The following CACNA1D variants were observed in gnomAD, a reference collection of about 807,000 sequenced individuals.
The protein encoded by CACNA1D is calcium voltage-gated channel subunit alpha1 D.
A neutral mutation model predicts 257.1 loss-of-function variants in CACNA1D; 55 were observed. The ratio of observed to expected loss-of-function variants is 0.21; its 90% confidence interval spans 0.17 to 0.27. CACNA1D has a LOEUF of 0.27. CACNA1D is among the 10% of genes least tolerant of loss of function. The pLI is 1.00. For missense variants in CACNA1D, 1,876 were observed against 2,784.0 expected (o/e 0.67, Z 7.34); for synonymous variants, 980 against 1,014.9 (o/e 0.97, Z 0.65).
intron 3 of CACNA1D, among the ~76,000 whole-genome samples, chr3:53,627,219 G>T (rs1007733893): frequency 6.6e-6 from 1 of 152,158 alleles, no homozygotes; most frequent in Admixed American, 6.5e-5. Flanking sequence ...GATCCCTGCT[G>T]CACAGCCTCT....
chr3:53,620,699 G>T (rs1221161819), intron 3 of CACNA1D, among the ~76,000 whole-genome samples: 1 of 152,222 alleles, frequency 6.6e-6, no homozygotes, highest in Non-Finnish European at 1.5e-5. Context: ...TAAAGCATTT[G>T]CAATCATAGA....
intron 9 of CACNA1D, among the ~76,000 whole-genome samples, chr3:53,709,357 G>C (rs1231201451): frequency 1.3e-5 from 2 of 152,164 alleles, no homozygotes; most frequent in African/African-American, 4.8e-5. Context: ...TGTGACTTAC[G>C]TGGCAAAGCT....
At position 53,801,335 on chromosome 3, in the gene CACNA1D, G is replaced by A; in HGVS notation, c.5318G>A (p.Ser1773Asn). ...AAAGCTGCCCATGGAAAGCGGCCCA[G>A]CATTGGGAACCTTGAGCATGTGTCT... ...MSKAAHGKRPSIGNLEHVSEN... is the reference protein window; with the variant it reads ...MSKAAHGKRPNIGNLEHVSEN... Residue 1773 changes from serine (S) to asparagine (N), a missense_variant, in exon 42 of 48, where the codon AGC becomes AAC. Coordinates refer to ENST00000350061, the MANE Select transcript of CACNA1D (RefSeq NM_001128840.3). The A allele has an allele frequency of 6.2e-7, 1 of 1,614,178 alleles. No homozygotes were observed. The highest frequency in any genetic ancestry group is 8.5e-7 in the Non-Finnish European group (1 of 1,180,032).
chr3:53,588,854 G>T (rs2093260561), intron 3 of CACNA1D, among the ~76,000 whole-genome samples: 1 of 151,974 alleles, frequency 6.6e-6, no homozygotes, highest in African/African-American at 2.4e-5. Flanking sequence ...GATCTCCTTT[G>T]TGGAAAAAAA....
In CACNA1D at chr3:53,810,262, C is replaced by T. The variant is rs376791895; in HGVS notation, c.6156C>T (p.Ser2052=). 1.4e-5 allele frequency: 22 copies of T among 1,613,820 alleles called. No homozygotes were observed. The highest frequency in any genetic ancestry group is 1.6e-4 in the Middle Eastern group (1 of 6,062). The stretch of plus-strand genomic sequence containing the variant: ...CCAGCAGCTTCCGGAACAAAAACAG[C>T]GACAAGCAGAGGAGTGCGGACAGCT... ...TVPSSFRNKN[S]DKQRSADSLV... is the part of the protein sequence containing the mutation. The change falls in exon 47 of 48, where the codon AGC becomes AGT. Residue 2052 remains serine, a synonymous_variant. Coordinates refer to ENST00000350061, the MANE Select transcript of CACNA1D (RefSeq NM_001128840.3).
chr3:53,732,350 TG>T (rs1251101783), intron 18 of CACNA1D, among the ~76,000 whole-genome samples: 2 of 152,164 alleles, frequency 1.3e-5, no homozygotes, highest in Non-Finnish European at 2.9e-5. Context: ...GGCCCCCCGG[TG>T]TTAGCGCTCA....
chr3:53,535,884 A>G (rs559200075), intron 3 of CACNA1D, among the ~76,000 whole-genome samples: 1 of 152,356 alleles, frequency 6.6e-6, no homozygotes, highest in South Asian at 2.1e-4. Flanking sequence ...GCACAGAGAT[A>G]GCATCACTTA....
intron 38 of CACNA1D, 144 bp from the exon 39 acceptor site, chr3:53,781,422 A>C (rs2095424742): frequency 1.5e-6 from 1 of 683,048 alleles, no homozygotes; most frequent in Non-Finnish European, 2.7e-6. Flanking sequence ...TTTGCCCCTG[A>C]CTGGGGAGAG....
At chr3:53,591,796 A>G (rs1235770916) in intron 3 of CACNA1D, among the ~76,000 whole-genome samples, 1 of 152,226 alleles carries the variant, frequency 6.6e-6, no homozygotes, top group Non-Finnish European at 1.5e-5. Flanking sequence ...TTGTTGACTA[A>G]AAGAAATAAC....
At position 53,775,880 on chromosome 3, in the gene CACNA1D, A is replaced by C. The variant is rs1308911836; in HGVS notation, c.4203-6A>C. ...CTAAAGCCCCTTTGTTCTTCATCTG[A>C]AAAAGGTGTGCAACAGGTGAGGCCT... is the stretch of plus-strand genomic sequence containing the variant. On this transcript the variant is annotated splice_polypyrimidine_tract_variant and splice_region_variant and intron_variant, in intron 34 of 47. Transcript: ENST00000350061. The C allele has an allele frequency of 6.2e-7, 1 of 1,612,404 alleles. No homozygotes were observed.
intron 3 of CACNA1D, among the ~76,000 whole-genome samples, chr3:53,577,556 A>C (rs1413508189): frequency 1.3e-5 from 2 of 152,158 alleles, no homozygotes; most frequent in Admixed American, 1.3e-4. Flanking sequence ...GTTGCGGCCA[A>C]GGGAGGAGAG....
chr3:53,669,090 A>G (rs1339277562), intron 7 of CACNA1D, among the ~76,000 whole-genome samples: 3 of 152,240 alleles, frequency 2.0e-5, no homozygotes, highest in Non-Finnish European at 4.4e-5. Flanking sequence ...GGGGCAGCTA[A>G]GTAATGTCTT....
At chr3:53,605,032 G>A (rs373008911) in intron 3 of CACNA1D, among the ~76,000 whole-genome samples, 15 of 152,326 alleles carry the variant, frequency 9.8e-5, no homozygotes, top group South Asian at 2.1e-4. Context: ...GTGCACTTAT[G>A]TGTGTATGAA....
At chr3:53,564,327 A>C (rs2092795116) in intron 3 of CACNA1D, among the ~76,000 whole-genome samples, 1 of 151,956 alleles carries the variant, frequency 6.6e-6, no homozygotes, top group African/African-American at 2.4e-5. Flanking sequence ...TACCTGGCTA[A>C]TTTTTGTATT....
intron 3 of CACNA1D, among the ~76,000 whole-genome samples, chr3:53,551,573 T>C (rs1394785464): frequency 6.6e-6 from 1 of 152,250 alleles, no homozygotes; most frequent in African/African-American, 2.4e-5. Flanking sequence ...GAGTATGTGC[T>C]ACCTACCGTG....
intron 3 of CACNA1D, among the ~76,000 whole-genome samples, chr3:53,650,486 T>C (rs1188996342): frequency 6.6e-6 from 1 of 152,254 alleles, no homozygotes; most frequent in Non-Finnish European, 1.5e-5. Context: ...AACATGCCTG[T>C]TATGTCCTAG....
rs2094987169 is a variant in CACNA1D, at chr3:53,731,074, T to C, written c.2337-3T>C. 20 of 1,588,866 alleles carry C rather than the reference T, an allele frequency of 1.3e-5. No homozygotes were observed. The highest frequency in any genetic ancestry group is 1.7e-5 in the Non-Finnish European group (20 of 1,157,388). On this transcript the variant is annotated splice_region_variant and splice_polypyrimidine_tract_variant and intron_variant, in intron 16 of 47. Coordinates refer to ENST00000350061, the MANE Select transcript of CACNA1D (RefSeq NM_001128840.3). ...TTCTTGTGCTCTTTTCTCTTCTCTT[T>C]AGAAAAGAGAGCCTAGAAAATAAAA... is the stretch of plus-strand genomic sequence containing the variant.
At position 53,800,544 on chromosome 3, in the gene CACNA1D, C is replaced by T; in HGVS notation, c.5040+179C>T. ...AGACCCTCCCCAGGCATCAGCACCT[C>T]TTCTAGGGCCAGGCCAGCTCTTTCC... On this transcript the variant is annotated intron_variant, in intron 41 of 47. Coordinates refer to ENST00000350061, the MANE Select transcript of CACNA1D (RefSeq NM_001128840.3). The surrounding 1 kb of genome is among the most constrained non-coding windows in gnomAD (Gnocchi z 4.3). 1.5e-6 allele frequency: 1 copy of T among 688,786 alleles called. No homozygotes were observed. The highest frequency in any genetic ancestry group is 2.7e-6 in the Non-Finnish European group (1 of 375,634). The allele number at this position is 688,786 out of a possible 1,614,324, so 42.7% of individuals were successfully genotyped here. A position where few individuals can be genotyped will look rare whatever the true frequency, so the allele number is the denominator to read the frequency against.
At chr3:53,519,601 G>A (rs1464604147) in intron 3 of CACNA1D, among the ~76,000 whole-genome samples, 1 of 152,126 alleles carries the variant, frequency 6.6e-6, no homozygotes, top group Non-Finnish European at 1.5e-5. Context: ...TAAGTAGCAG[G>A]GATCATGGCA....
Sources: gnomAD v4.1 joint callset for allele counts (sites outside exome capture counted in the v4.1 genomes callset) on GRCh38, gnomAD v4.1.1 for gene constraint, Gnocchi (gnomAD v3.1) non-coding constraint, MANE v1.5 for transcripts, NCBI Gene and HGNC (gene_info 2026-07-23, HGNC 2026-07-21) for gene names.